SLC6A20: variants seen among roughly 807,000 people sequenced by gnomAD.
The protein encoded by SLC6A20 is solute carrier family 6 member 20.
In SLC6A20, 73 loss-of-function variants were observed where a neutral mutation model predicts 64.3. That is an observed-to-expected ratio of 1.14 (90% CI 0.94 to 1.38). The LOEUF (loss-of-function observed/expected upper bound fraction) is 1.38, where lower values mean the gene tolerates loss of function less well. Ranked by LOEUF, SLC6A20 falls within the 40% of genes most tolerant of loss-of-function variation. The pLI is 0.00. For missense variants in SLC6A20, 725 were observed against 772.8 expected (o/e 0.94, Z 0.73); for synonymous variants, 347 against 329.6 (o/e 1.05, Z -0.57).
chr3:45,784,134 G>C (rs966153339), intron 1 of SLC6A20, among the ~76,000 whole-genome samples: 2 of 152,182 alleles, frequency 1.3e-5, no homozygotes, highest in Non-Finnish European at 2.9e-5. Flanking sequence ...GGGTAGGGTG[G>C]AAATCTAAAA....
At chr3:45,762,645 G>A (rs1234550708) in intron 9 of SLC6A20, among the ~76,000 whole-genome samples, 1 of 152,226 alleles carries the variant, frequency 6.6e-6, no homozygotes, top group East Asian at 1.9e-4. Flanking sequence ...TAAGCTGTGG[G>A]GGTCCAGCAG....
At position 45,755,976 on chromosome 3, in the gene SLC6A20, GTTCT is replaced by G. The variant is rs1315369021; in HGVS notation, c.*2998_*3001del. 3 of 152,180 alleles carry G rather than the reference GTTCT, an allele frequency of 2.0e-5. No individual in the cohort carries two copies. Among genetic ancestry groups the G allele is most frequent in the South Asian group, 2.1e-4 (1 of 4,832 alleles). The allele number at this position is 152,180 out of a possible 1,614,324, so 9.4% of individuals were successfully genotyped here. A position where few individuals can be genotyped will look rare whatever the true frequency, so the allele number is the denominator to read the frequency against. ...AAATACTCCTCAATGTACCACCCAT[GTTCT>G]TTCTTTTTTAAATGGGGCCTCTCAG... is the stretch of plus-strand genomic sequence containing the variant. On this transcript the variant is annotated 3_prime_UTR_variant, in exon 11 of 11. Transcript: ENST00000358525.
chr3:45,763,155 T>A, intron 8 of SLC6A20, 83 bp from the exon 9 acceptor site: 1 of 1,565,472 alleles, frequency 6.4e-7, no homozygotes, highest in Non-Finnish European at 8.7e-7. Context: ...AGTGGGGTCG[T>A]CGGCCCTCAG....
intron 1 of SLC6A20, among the ~76,000 whole-genome samples, chr3:45,788,951 T>C (rs890622912): frequency 1.3e-5 from 2 of 152,214 alleles, no homozygotes; most frequent in Non-Finnish European, 2.9e-5. Flanking sequence ...AATCATACTG[T>C]TAATATCATT....
intron 1 of SLC6A20, among the ~76,000 whole-genome samples, chr3:45,790,055 T>C (rs1471619041): frequency 6.6e-6 from 1 of 152,236 alleles, no homozygotes; most frequent in Non-Finnish European, 1.5e-5. Context: ...CATTCCTTTC[T>C]GTATGAAATG....
At chr3:45,776,497 A>T (rs1477175080) in intron 3 of SLC6A20, among the ~76,000 whole-genome samples, 1 of 152,182 alleles carries the variant, frequency 6.6e-6, no homozygotes, top group Non-Finnish European at 1.5e-5. Context: ...TGAGAGTCTT[A>T]CTGGCTCCAC....
At position 45,765,887 on chromosome 3, in the gene SLC6A20, C is replaced by T; in HGVS notation, c.1099-146G>A. ...TGGAGCTTCCATCTGCAGATCAACCCCTTACACTCAGCTGGGCTGAAACGA... is the reference window on the plus strand; with the variant it reads ...TGGAGCTTCCATCTGCAGATCAACCTCTTACACTCAGCTGGGCTGAAACGA... On this transcript the variant is annotated intron_variant, in intron 7 of 10. Coordinates refer to ENST00000358525, the MANE Select transcript of SLC6A20 (RefSeq NM_020208.4). The surrounding 1 kb of genome is among the most constrained non-coding windows in gnomAD (Gnocchi z 4.2). The T allele has an allele frequency of 1.2e-6, 1 of 804,974 alleles. No homozygotes were observed. Among genetic ancestry groups the T allele is most frequent in the Non-Finnish European group, 2.0e-6 (1 of 511,708 alleles). The allele number at this position is 804,974 out of a possible 1,614,324, so 49.9% of individuals were successfully genotyped here.
At chr3:45,793,659 C>T (rs1700295607) in intron 1 of SLC6A20, among the ~76,000 whole-genome samples, 2 of 152,160 alleles carry the variant, frequency 1.3e-5, no homozygotes, top group Admixed American at 1.3e-4. Flanking sequence ...GGGCACAGAT[C>T]CCTAATCCGT....
At chr3:45,764,510 C>G (rs1017480855) in intron 8 of SLC6A20, among the ~76,000 whole-genome samples, 52 of 152,126 alleles carry the variant, frequency 3.4e-4, no homozygotes, top group Admixed American at 3.4e-3. Flanking sequence ...TGAGACCAGC[C>G]TGGCCAACAC....
chr3:45,771,339 G>A lies in SLC6A20; in HGVS notation c.813C>T (p.Asn271=), dbSNP rs1236975037. ...ACACGATGATGGCGTGCTTCTGGCAGTTGTTGGATGGCTCATTGTAGCTGG... is the reference window on the plus strand; with the variant it reads ...ACACGATGATGGCGTGCTTCTGGCAATTGTTGGATGGCTCATTGTAGCTGG... ...AFASYNEPSN[N]CQKHAIIVSL... Residue 271 remains asparagine (N), a synonymous_variant, in exon 6 of 11, where the codon AAC becomes AAT. Coordinates refer to ENST00000358525, the MANE Select transcript of SLC6A20 (RefSeq NM_020208.4). The A allele has an allele frequency of 6.2e-7, 1 of 1,614,276 alleles. No homozygotes were observed. Among genetic ancestry groups the A allele is most frequent in the Non-Finnish European group, 8.5e-7 (1 of 1,180,048 alleles).
At chr3:45,762,821 G>A in intron 9 of SLC6A20, 92 bp downstream of exon 9, 1 of 1,508,710 alleles carries the variant, frequency 6.6e-7, no homozygotes. Context: ...AAGAGGTGAA[G>A]ATGTGCATCA....
At chr3:45,762,828 A>C (rs1426670178) in intron 9 of SLC6A20, 85 bp downstream of exon 9, 2 of 1,541,724 alleles carry the variant, frequency 1.3e-6, no homozygotes, top group African/African-American at 2.7e-5. Context: ...GAAGATGTGC[A>C]TCAAGAAACA....
At chr3:45,783,157 C>T (rs1700124503) in intron 1 of SLC6A20, among the ~76,000 whole-genome samples, 1 of 152,216 alleles carries the variant, frequency 6.6e-6, no homozygotes, top group Non-Finnish European at 1.5e-5. Context: ...ACTCTGCTCC[C>T]TGCCCTTGAG....
intron 1 of SLC6A20, 85 bp from the exon 2 acceptor site, chr3:45,782,308 A>T: frequency 6.7e-7 from 1 of 1,500,880 alleles, no homozygotes; most frequent in South Asian, 1.3e-5. Context: ...ACATCCTTCC[A>T]TCCTCCTGTC....
At position 45,782,203 on chromosome 3, in the gene SLC6A20, T is replaced by G. The variant is rs1279442884; in HGVS notation, c.142A>C (p.Ile48Leu). Reference sequence around the variant, plus strand: ...ATTCCCTCCACGATAAGCATGATGATGTAGGGGACCAGGAAACTACCTGTG... The same window carrying G: ...ATTCCCTCCACGATAAGCATGATGAGGTAGGGGACCAGGAAACTACCTGTG... ...YGGGSFLVPY[I>L]IMLIVEGMPL... The change falls in exon 2 of 11, where the codon ATC becomes CTC. Residue 48 changes from isoleucine to leucine, a missense_variant. Transcript: ENST00000358525. The G allele has an allele frequency of 1.2e-6, 2 of 1,613,436 alleles. No homozygotes were observed. The highest frequency in any genetic ancestry group is 2.2e-5 in the East Asian group (1 of 44,830).
intron 1 of SLC6A20, among the ~76,000 whole-genome samples, chr3:45,795,755 CAG>C (rs1000859479): frequency 8.5e-4 from 130 of 152,302 alleles, no homozygotes; most frequent in African/African-American, 3.0e-3. Flanking sequence ...CAAAACAAAA[CAG>C]AATGATTTGC....
In SLC6A20 at chr3:45,770,362, CA is replaced by C. The variant is rs1349508135; in HGVS notation, c.944del (p.Leu315ArgfsTer3). The C allele has an allele frequency of 6.2e-7, 1 of 1,613,994 alleles. No individual in the cohort carries two copies. Among genetic ancestry groups the C allele is most frequent in the Non-Finnish European group, 8.5e-7 (1 of 1,180,044 alleles). On this transcript the variant is annotated frameshift_variant, in exon 7 of 11. Coordinates refer to ENST00000358525, the MANE Select transcript of SLC6A20 (RefSeq NM_020208.4). LOFTEE classifies it high-confidence loss of function. Reference protein sequence around the residue: ...NYENCLKKVSLLLTNTFDLED... With the variant: ...NYENCLKKVSXLLTNTFDLED... ...CAAGGTCAAAAGTGTTGGTCAGCAGCAGACTCACCCTGCAGAGCAGACCATC... is the reference window on the plus strand; with the variant it reads ...CAAGGTCAAAAGTGTTGGTCAGCAGCGACTCACCCTGCAGAGCAGACCATC...
chr3:45,780,423 G>A (rs1277849708), intron 2 of SLC6A20, among the ~76,000 whole-genome samples: 6 of 152,136 alleles, frequency 3.9e-5, no homozygotes, highest in Non-Finnish European at 1.5e-5. Context: ...TCTTCATATC[G>A]CAGAAGAGAA....
intron 1 of SLC6A20, among the ~76,000 whole-genome samples, chr3:45,784,242 T>C (rs1700139346): frequency 6.6e-6 from 1 of 152,212 alleles, no homozygotes; most frequent in Non-Finnish European, 1.5e-5. Flanking sequence ...ATAATCTGGG[T>C]GAATTTGCTC....
Sources: gnomAD v4.1 joint callset for allele counts (sites outside exome capture counted in the v4.1 genomes callset) on GRCh38, gnomAD v4.1.1 for gene constraint, Gnocchi (gnomAD v3.1) non-coding constraint, MANE v1.5 for transcripts, NCBI Gene and HGNC (gene_info 2026-07-23, HGNC 2026-07-21) for gene names.